Variants in TTC29 observed in about 807,000 individuals in gnomAD.
TTC29 encodes the protein tetratricopeptide repeat domain 29.
Under a neutral mutation model 58.1 loss-of-function variants are expected in TTC29, and 49 were observed. That is an observed-to-expected ratio of 0.84 (90% confidence interval 0.67 to 1.07). The LOEUF (loss-of-function observed/expected upper bound fraction) is 1.07. TTC29 is among the 50% of genes least tolerant of loss of function. TTC29 has a pLI of 0.00. For missense variants in TTC29, 582 were observed against 555.6 expected (o/e 1.05, Z -0.48); for synonymous variants, 209 against 196.8 (o/e 1.06, Z -0.52).
chr4:146,719,059 T>C (rs1743160724), intron 11 of TTC29, among the ~76,000 whole-genome samples: 1 of 152,154 alleles, frequency 6.6e-6, no homozygotes. Flanking sequence ...TCTGTTCTAT[T>C]GGTCAATAAC....
chr4:146,738,502 G>A (rs1744886289), intron 11 of TTC29, among the ~76,000 whole-genome samples: 1 of 150,796 alleles, frequency 6.6e-6, no homozygotes, highest in African/African-American at 2.5e-5. Flanking sequence ...ATTAAAGATT[G>A]CATATTTTTT....
Position 146,873,867 on chromosome 4 carries a change from T to A in TTC29, c.799+849A>T. On this transcript the variant is annotated intron_variant, in intron 7 of 12. Transcript: ENST00000325106. ...TCACTCTTAATAAGCCATCTATTAC[T>A]TAATAAACCAATCAATTAAATATAT... 1.3e-5 allele frequency among the ~76,000 whole-genome samples: 2 copies of A among 152,186 alleles called. 1 individual carries two copies.
intron 11 of TTC29, among the ~76,000 whole-genome samples, chr4:146,724,761 G>T (rs1029962463): frequency 2.0e-5 from 3 of 152,080 alleles, no homozygotes; most frequent in Non-Finnish European, 4.4e-5. Context: ...TGATCCGCCT[G>T]CCTCGGCCTC....
intron 6 of TTC29, among the ~76,000 whole-genome samples, chr4:146,875,321 G>C (rs1731186674): frequency 1.3e-5 from 2 of 152,126 alleles, no homozygotes; most frequent in African/African-American, 4.8e-5. Context: ...CAATCCAATG[G>C]AGTAGGACTG....
intron 11 of TTC29, among the ~76,000 whole-genome samples, chr4:146,728,828 T>C (rs1276064825): frequency 8.6e-6 from 1 of 116,000 alleles, no homozygotes; most frequent in African/African-American, 3.1e-5. Flanking sequence ...TATATATACA[T>C]ATATATACAC....
At chr4:146,760,282 C>A (rs1294665819) in intron 11 of TTC29, among the ~76,000 whole-genome samples, 1 of 151,896 alleles carries the variant, frequency 6.6e-6, no homozygotes, top group African/African-American at 2.4e-5. Flanking sequence ...TGAAAGAAAT[C>A]ATAGATGATA....
intron 3 of TTC29, 52 bp downstream of exon 3, chr4:146,939,752 A>G (rs1560741609): frequency 2.1e-6 from 3 of 1,449,140 alleles, no homozygotes; most frequent in Middle Eastern, 1.9e-4. Context: ...GACATTTCTT[A>G]TTACAGAAAA....
In TTC29 at chr4:146,909,133, G is replaced by A. The variant is rs747952914; in HGVS notation, c.293C>T (p.Ala98Val). 1.1e-5 allele frequency: 18 copies of A among 1,613,662 alleles called. No homozygotes were observed. Among genetic ancestry groups the A allele is most frequent in the Admixed American group, 8.3e-5 (5 of 60,000 alleles). ...MERWDALREAARVRSLFWLQK... is the reference protein window; with the variant it reads ...MERWDALREAVRVRSLFWLQK... ...CAGCCAGAAGAGGGACCTGACTCTC[G>A]CAGCCTCCCTCAGGGCATCCCACCG... is the stretch of plus-strand genomic sequence containing the variant. The change falls in exon 5 of 13, where the codon GCG becomes GTG. Residue 98 changes from alanine (A) to valine (V), a missense_variant. By Grantham distance (64) the Ala-to-Val change is moderately conservative (BLOSUM62 0). Transcript: ENST00000325106.
At chr4:146,730,586 C>A (rs895355335) in intron 11 of TTC29, among the ~76,000 whole-genome samples, 1 of 152,084 alleles carries the variant, frequency 6.6e-6, no homozygotes, top group Admixed American at 6.6e-5. Context: ...GTGGAACCAG[C>A]AGGGGATGTT....
intron 6 of TTC29, among the ~76,000 whole-genome samples, chr4:146,900,414 G>A (rs1394513146): frequency 6.6e-6 from 1 of 152,078 alleles, no homozygotes; most frequent in Non-Finnish European, 1.5e-5. Context: ...ATAGGGTGGA[G>A]CATCTAAACT....
chr4:146,824,625 G>A (rs1727640850), intron 9 of TTC29, among the ~76,000 whole-genome samples: 2 of 152,226 alleles, frequency 1.3e-5, no homozygotes, highest in South Asian at 2.1e-4. Flanking sequence ...CATAAAATGA[G>A]TTAGAGGAAA....
chr4:146,936,099 A>G (rs565079167), intron 4 of TTC29, among the ~76,000 whole-genome samples: 14 of 152,196 alleles, frequency 9.2e-5, no homozygotes, highest in Non-Finnish European at 1.8e-4. Flanking sequence ...AGTGCAGGAA[A>G]CTTTAAGGAG....
At chr4:146,719,189 G>GGGGTGT (rs377566324) in intron 11 of TTC29, among the ~76,000 whole-genome samples, 1 of 144,184 alleles carries the variant, frequency 6.9e-6, no homozygotes, top group African/African-American at 2.6e-5. Context: ...TGGCTATTGG[G>GGGGTGT]GTGTGTGTGT....
rs181377933 is a variant in TTC29, at chr4:146,900,601, G to A, written c.586+2943C>T. Among the ~76,000 whole-genome samples, 6 of 152,260 alleles carry A rather than the reference G, an allele frequency of 3.9e-5. 1 individual carries two copies. The highest frequency in any genetic ancestry group is 1.3e-4 in the Admixed American group (2 of 15,284). On this transcript the variant is annotated intron_variant, in intron 6 of 12. Coordinates refer to ENST00000325106, the MANE Select transcript of TTC29 (RefSeq NM_031956.4). ...TAGGCAGAGTATTTTTTGAACGAAT[G>A]GGTGCATAGATGAATGAATAAATAA... is the stretch of plus-strand genomic sequence containing the variant.
chr4:146,763,932 A>C (rs1033287738), intron 11 of TTC29: 1 of 152,032 alleles, frequency 6.6e-6, no homozygotes, highest in South Asian at 2.1e-4. Flanking sequence ...AGAAAAAAAT[A>C]ACACACAAAA....
intron 4 of TTC29, among the ~76,000 whole-genome samples, chr4:146,917,379 T>C (rs929701711): frequency 6.7e-6 from 1 of 148,984 alleles, no homozygotes; most frequent in African/African-American, 2.4e-5. Flanking sequence ...TATTATGTTA[T>C]GACTAATCAT....
chr4:146,740,985 G>A (rs181427550), intron 11 of TTC29, among the ~76,000 whole-genome samples: 2 of 152,246 alleles, frequency 1.3e-5, no homozygotes, highest in East Asian at 3.9e-4. Flanking sequence ...GCCTCCCTAG[G>A]CGCTGGAATA....
At chr4:146,923,706 TCTC>T (rs1409912319) in intron 4 of TTC29, among the ~76,000 whole-genome samples, 1 of 151,692 alleles carries the variant, frequency 6.6e-6, no homozygotes, top group Non-Finnish European at 1.5e-5. Flanking sequence ...TAATGTCAGT[TCTC>T]CTAAAATAAC....
intron 8 of TTC29, among the ~76,000 whole-genome samples, chr4:146,857,935 A>G (rs1233238133): frequency 6.6e-6 from 1 of 152,224 alleles, no homozygotes; most frequent in African/African-American, 2.4e-5. Context: ...ACAAAGATAA[A>G]TTTAGGTACT....
Sources: allele counts gnomAD v4.1 joint callset (sites outside exome capture counted in the v4.1 genomes callset), GRCh38; gene constraint gnomAD v4.1.1; transcripts MANE v1.5; gene names NCBI Gene and HGNC (gene_info 2026-07-23, HGNC 2026-07-21).